Variants in ACTR5 observed in about 807,000 individuals in gnomAD.
ACTR5 encodes actin related protein 5.
ACTR5 carries 43 observed loss-of-function variants against 61.2 expected under a neutral mutation model. The observed-to-expected ratio is 0.70, with a 90% CI of 0.55 to 0.91. The LOEUF is 0.91. Ranked by LOEUF, ACTR5 falls within the 40% of genes least tolerant of loss-of-function variation. The pLI is 0.00. For missense variants in ACTR5, 798 were observed against 782.2 expected (o/e 1.02, Z -0.24); for synonymous variants, 333 against 310.5 (o/e 1.07, Z -0.76).
rs114708543 is a variant in ACTR5, at chr20:38,752,440, A to G, written c.775+140A>G. 1,287 of 983,354 alleles carry G rather than the reference A, an allele frequency of 1.3e-3. 13 individuals are homozygous for G. In the African/African-American group the frequency reaches 0.019, roughly 15 times the overall value. 60.9% of individuals were successfully genotyped at this position (983,354 alleles called of 1,614,324 possible). ...TTGTATTCCCTTTCTTAAACTATTC[A>G]GTAAACTGATAACTTATGTTGTATA... On this transcript the variant is annotated intron_variant, in intron 3 of 8. Transcript: ENST00000243903.
At position 38,771,855 on chromosome 20, in the gene ACTR5, T is replaced by C; in HGVS notation, c.*39T>C. 1 of 1,573,784 alleles carries C rather than the reference T, an allele frequency of 6.4e-7. No homozygotes were observed. Among genetic ancestry groups the C allele is most frequent in the Non-Finnish European group, 8.6e-7 (1 of 1,162,978 alleles). ...GAGAGACTGCCCTGCACGCCATGCCTTGGGCCACGTTGGCAGTGTGACAGG... is the reference window on the plus strand; with the variant it reads ...GAGAGACTGCCCTGCACGCCATGCCCTGGGCCACGTTGGCAGTGTGACAGG... On this transcript the variant is annotated 3_prime_UTR_variant, in exon 9 of 9. Coordinates refer to ENST00000243903, the MANE Select transcript of ACTR5 (RefSeq NM_024855.4).
Position 38,750,351 on chromosome 20 carries a change from G to A in ACTR5, c.605+112G>A. 1.5e-5 allele frequency: 13 copies of A among 880,750 alleles called. 1 individual carries two copies. In the South Asian group the frequency reaches 2.1e-4, roughly 14 times the overall value. 54.6% of individuals were successfully genotyped at this position (880,750 alleles called of 1,614,324 possible). A position where few individuals can be genotyped will look rare whatever the true frequency, so the allele number is the denominator to read the frequency against. ...AAGAGCAAGTACTAGCCTGTGAACT[G>A]AGCCGTTGGGCTTAGCTTTGAACTA... On this transcript the variant is annotated intron_variant, in intron 2 of 8. Coordinates refer to ENST00000243903, the MANE Select transcript of ACTR5 (RefSeq NM_024855.4).
chr20:38,762,289 G>A (rs1413414490), intron 5 of ACTR5, among the ~76,000 whole-genome samples: 1 of 152,222 alleles, frequency 6.6e-6, no homozygotes, highest in East Asian at 1.9e-4. Flanking sequence ...TCCCAGTGTG[G>A]CCACTGGTTT....
chr20:38,757,290 A>G (rs1488681676), intron 5 of ACTR5, among the ~76,000 whole-genome samples: 1 of 152,158 alleles, frequency 6.6e-6, no homozygotes, highest in Non-Finnish European at 1.5e-5. Context: ...TGTATGGCAA[A>G]GGGGCAGCCT....
At chr20:38,766,793 G>A (rs367924392) in intron 7 of ACTR5, among the ~76,000 whole-genome samples, 4 of 152,136 alleles carry the variant, frequency 2.6e-5, no homozygotes, top group African/African-American at 7.2e-5. Context: ...TAAGAATCCA[G>A]GTGTTTTACC....
At chr20:38,755,746 G>A (rs1166165505) in intron 4 of ACTR5, 111 bp from the exon 5 acceptor site, 1 of 1,117,172 alleles carries the variant, frequency 9.0e-7, no homozygotes, top group East Asian at 2.4e-5. Context: ...CTGGAGGCGT[G>A]GCTCTGGGCA....
chr20:38,767,373 C>A, intron 7 of ACTR5, 91 bp from the exon 8 acceptor site: 4 of 1,043,690 alleles, frequency 3.8e-6, no homozygotes, highest in Non-Finnish European at 5.1e-6. Flanking sequence ...AGAAGTTTTT[C>A]TGTTTTGTAC....
rs779602968 is a variant in ACTR5 at position 38,750,211 on chromosome 20, A to ACG, written c.579_580dup (p.His194ArgfsTer7). On this transcript the variant is annotated frameshift_variant, in exon 2 of 9. Coordinates refer to ENST00000243903, the MANE Select transcript of ACTR5 (RefSeq NM_024855.4). LOFTEE classifies it high-confidence loss of function. ...AATCATTTCATCTGGATACCAGTGTACGCATGTTTTACCCATCTTAGAAGG... is the reference window on the plus strand; with the variant it reads ...AATCATTTCATCTGGATACCAGTGTACGCGCATGTTTTACCCATCTTAGAAGG... The ACG allele has an allele frequency of 2.5e-6, 4 of 1,614,178 alleles. No individual in the cohort carries two copies. Among genetic ancestry groups the ACG allele is most frequent in the Non-Finnish European group, 3.4e-6 (4 of 1,180,008 alleles).
At chr20:38,759,730 C>G (rs1024432101) in intron 5 of ACTR5, among the ~76,000 whole-genome samples, 1 of 152,200 alleles carries the variant, frequency 6.6e-6, no homozygotes, top group South Asian at 2.1e-4. Context: ...TGCCTGCCTT[C>G]CTGGGTACCT....
chr20:38,768,709 C>G (rs531918304), intron 8 of ACTR5, among the ~76,000 whole-genome samples: 1 of 152,202 alleles, frequency 6.6e-6, no homozygotes, highest in South Asian at 2.1e-4. Context: ...CTTATTGAGC[C>G]ATTCTTATCA....
chr20:38,761,958 T>G (rs779876679), intron 5 of ACTR5: 17 of 152,224 alleles, frequency 1.1e-4, no homozygotes, highest in Non-Finnish European at 2.2e-4. Context: ...CCTGGGACTT[T>G]CTGCACTCCT....
At chr20:38,763,843 C>T (rs2084469559) in intron 5 of ACTR5, among the ~76,000 whole-genome samples, 1 of 152,192 alleles carries the variant, frequency 6.6e-6, no homozygotes, top group Admixed American at 6.5e-5. Flanking sequence ...TCGTGTCACC[C>T]AACCCATCTT....
intron 6 of ACTR5, 68 bp downstream of exon 6, chr20:38,765,586 T>A (rs1476843598): frequency 1.5e-6 from 2 of 1,322,188 alleles, no homozygotes; most frequent in African/African-American, 2.9e-5. Flanking sequence ...TGGGCTAGTC[T>A]GTTTCTTTAG....
In ACTR5 at chr20:38,752,207, C is replaced by T; in HGVS notation, c.682C>T (p.Leu228=). 6.2e-7 allele frequency: 1 copy of T among 1,614,142 alleles called. No homozygotes were observed. The highest frequency in any genetic ancestry group is 1.7e-5 in the Admixed American group (1 of 60,010). ...AAGYLQRLLQ[L]KYPGHLAAIT... ...TGGTTACCTCCAGCGTCTCCTCCAG[C>T]TGAAGTACCCTGGGCACCTGGCAGC... Residue 228 remains leucine (L), a synonymous_variant, in exon 3 of 9, where the codon CTG becomes TTG. Coordinates refer to ENST00000243903, the MANE Select transcript of ACTR5 (RefSeq NM_024855.4).
chr20:38,748,526 C>G lies in ACTR5; in HGVS notation c.48C>G (p.Asp16Glu). 6.6e-7 allele frequency: 1 copy of G among 1,506,752 alleles called. No individual in the cohort carries two copies. The highest frequency in any genetic ancestry group is 8.8e-7 in the Non-Finnish European group (1 of 1,132,970). 93.3% of individuals were successfully genotyped at this position (1,506,752 alleles called of 1,614,324 possible). A position where few individuals can be genotyped will look rare whatever the true frequency, so the allele number is the denominator to read the frequency against. The change falls in exon 1 of 9, where the codon GAC (aspartate) becomes GAG (glutamate). Residue 16 changes from aspartate to glutamate, a missense_variant. Asp to Glu is a conservative substitution (Grantham distance 45, BLOSUM62 2). Coordinates refer to ENST00000243903, the MANE Select transcript of ACTR5 (RefSeq NM_024855.4). ...FPFRDARAAP[D>E]PVLEAGPVAH... ...TCCGCGACGCCCGTGCCGCACCGGA[C>G]CCAGTGCTGGAGGCCGGCCCGGTGG...
intron 4 of ACTR5, 136 bp downstream of exon 4, chr20:38,755,310 G>T (rs1162572483): frequency 5.7e-6 from 5 of 872,234 alleles, no homozygotes; most frequent in Non-Finnish European, 8.7e-6. Context: ...AGTCCAGGGG[G>T]ATCATCAGCA....
intron 3 of ACTR5, among the ~76,000 whole-genome samples, chr20:38,752,770 G>A (rs986735439): frequency 1.3e-5 from 2 of 152,038 alleles, no homozygotes; most frequent in East Asian, 1.9e-4. Context: ...TATCTTCCTC[G>A]TGAATTTAAA....
chr20:38,756,077 G>A (rs1379506296), intron 5 of ACTR5, 38 bp downstream of exon 5: 1 of 1,573,352 alleles, frequency 6.4e-7, no homozygotes, highest in Non-Finnish European at 8.6e-7. Context: ...CCTTCTTGAG[G>A]GGAGGAGTGT....
intron 6 of ACTR5, 95 bp downstream of exon 6, chr20:38,765,613 G>A: frequency 1.9e-6 from 2 of 1,034,216 alleles, no homozygotes; most frequent in Non-Finnish European, 2.9e-6. Flanking sequence ...AAACTGTTAT[G>A]TTTTTTAGAA....
Sources: allele counts gnomAD v4.1 joint callset (sites outside exome capture counted in the v4.1 genomes callset), GRCh38; gene constraint gnomAD v4.1.1; transcripts MANE v1.5; gene names NCBI Gene and HGNC (gene_info 2026-07-23, HGNC 2026-07-21).